The following RACK1 variants were observed in gnomAD, a reference collection of about 807,000 sequenced individuals.
RACK1 encodes small ribosomal subunit protein RACK1.
A neutral mutation model predicts 42.2 loss-of-function variants in RACK1; 3 were observed. The ratio of observed to expected loss-of-function variants is 0.07; its 90% CI spans 0.03 to 0.18. The LOEUF is 0.18. RACK1 is among the 10% of genes least tolerant of loss of function. The pLI is 1.00. For missense variants in RACK1, 146 were observed against 403.2 expected, an observed-to-expected ratio of 0.36 and a Z score of 5.46; for synonymous variants, 181 against 154.8, an observed-to-expected ratio of 1.17 and a Z score of -1.25.
rs769447572 is a variant in RACK1, at chr5:181,243,804, G to A, written c.-4C>T. The A allele has an allele frequency of 1.3e-5, 20 of 1,598,988 alleles. No individual in the cohort carries two copies. The East Asian group carries it at 3.2e-4, about 25-fold the overall frequency. ...GAAGGGTCATCTGCTCAGTCATGGC[G>A]GCGGCGAGAGCGTGTGTCGCTGCAG... On this transcript the variant is annotated 5_prime_UTR_variant, in exon 1 of 8. Coordinates refer to ENST00000512805, the MANE Select transcript of RACK1 (RefSeq NM_006098.5).
In RACK1 at chr5:181,241,651, G is replaced by A. The variant is rs781177385; in HGVS notation, c.282-12C>T. 1.2e-6 allele frequency: 2 copies of A among 1,613,624 alleles called. No homozygotes were observed. Among genetic ancestry groups the A allele is most frequent in the Admixed American group, 1.7e-5 (1 of 59,982 alleles). Reference sequence around the variant, plus strand: ...TCGTGGTGGTGCCCCTGAGAGGGAGGAGTTTGTCATTCTCAGACTTAGCAA... The same window carrying A: ...TCGTGGTGGTGCCCCTGAGAGGGAGAAGTTTGTCATTCTCAGACTTAGCAA... On this transcript the variant is annotated splice_polypyrimidine_tract_variant and intron_variant, in intron 2 of 7. Transcript: ENST00000512805.
chr5:181,237,759 CAAGAG>C lies in RACK1; in HGVS notation c.778-45_778-41del, dbSNP rs1333037619. 3 of 1,083,914 alleles carry C rather than the reference CAAGAG, an allele frequency of 2.8e-6. No homozygotes were observed. The African/African-American group carries it at 4.7e-5, about 17-fold the overall frequency. 67.1% of individuals were successfully genotyped at this position (1,083,914 alleles called of 1,614,324 possible). On this transcript the variant is annotated intron_variant, in intron 6 of 7. Transcript: ENST00000512805. ...AAAAGCAACCTTAAGACTTACCAAT[CAAGAG>C]AGTCTCCTCTTAAAAGCCCCTCAAG... is the stretch of plus-strand genomic sequence containing the variant.
chr5:181,238,639 C>A, intron 5 of RACK1: 1 of 353,898 alleles, frequency 2.8e-6, no homozygotes, highest in African/African-American at 2.1e-5. Context: ...ATCCTCTCTA[C>A]TAACATACAA....
intron 4 of RACK1, 33 bp downstream of exon 4, chr5:181,239,454 C>T (rs377062567): frequency 4.7e-6 from 7 of 1,496,620 alleles, no homozygotes; most frequent in Non-Finnish European, 6.5e-6. Context: ...CACACCCTGA[C>T]TGGTAAAGCC....
At chr5:181,242,063 T>A (rs1759367164) in intron 2 of RACK1, 111 bp downstream of exon 2, 1 of 973,956 alleles carries the variant, frequency 1.0e-6, no homozygotes. Context: ...GTGCTCTGCT[T>A]TCCAGTTCCC....
intron 1 of RACK1, chr5:181,242,691 G>A (rs1759396040): frequency 2.7e-6 from 1 of 364,782 alleles, no homozygotes; most frequent in Admixed American, 3.7e-5. Context: ...CCAAGTAGCT[G>A]GGATTACTTG....
At chr5:181,240,736 G>A (rs1246478485) in intron 3 of RACK1, among the ~76,000 whole-genome samples, 10 of 152,048 alleles carry the variant, frequency 6.6e-5, no homozygotes, top group Non-Finnish European at 1.3e-4. Context: ...GTCTCACTAT[G>A]TTGGCCAGGC....
intron 3 of RACK1, chr5:181,240,352 C>G (rs1476930484): frequency 6.5e-6 from 1 of 153,848 alleles, no homozygotes; most frequent in Non-Finnish European, 1.5e-5. Flanking sequence ...GAGACTGTCT[C>G]AAAACAAAAC....
intron 7 of RACK1, 75 bp from the exon 8 acceptor site, chr5:181,237,117 CT>C: frequency 3.8e-6 from 6 of 1,597,024 alleles, no homozygotes; most frequent in Non-Finnish European, 4.3e-6. Flanking sequence ...GCCCAAGTGG[CT>C]TTTTTTGAGA....
chr5:181,239,243 A>AAAAAG (rs1343872001), intron 4 of RACK1, 66 bp from the exon 5 acceptor site: 2 of 1,088,396 alleles, frequency 1.8e-6, no homozygotes, highest in Admixed American at 3.4e-5. Flanking sequence ...AGGCCCAACA[A>AAAAAG]AAAAGGGCTT....
Position 181,238,235 on chromosome 5 carries a change from C to G in RACK1, c.641G>C (p.Gly214Ala). 6.2e-7 allele frequency: 1 copy of G among 1,614,036 alleles called. No homozygotes were observed. Among genetic ancestry groups the G allele is most frequent in the Non-Finnish European group, 8.5e-7 (1 of 1,179,972 alleles). The change falls in exon 6 of 8, where the codon GGC (glycine) becomes GCC (alanine). Residue 214 changes from glycine to alanine, a missense_variant. Gly to Ala is a moderately conservative substitution (Grantham distance 60). Transcript: ENST00000512805. The part of the protein sequence containing the change: ...GSLCASGGKD[G>A]QAMLWDLNEG... Reference sequence around the variant, plus strand: ...GTTGAGATCCCATAACATGGCCTGGCCATCCTGGACACAGGTAAGGTAAAT... The same window carrying G: ...GTTGAGATCCCATAACATGGCCTGGGCATCCTGGACACAGGTAAGGTAAAT...
chr5:181,238,835 CAAAA>C (rs911013530), intron 5 of RACK1: 6 of 500,390 alleles, frequency 1.2e-5, no homozygotes, highest in African/African-American at 2.0e-5. Context: ...AAAAAAACAA[CAAAA>C]AAAACCCACA....
At chr5:181,240,805 G>A (rs755445751) in intron 3 of RACK1, among the ~76,000 whole-genome samples, 3 of 152,160 alleles carry the variant, frequency 2.0e-5, no homozygotes, top group Non-Finnish European at 2.9e-5. Flanking sequence ...TAGGATTACA[G>A]GCGTGAGCCC....
chr5:181,241,684 C>CA, intron 2 of RACK1, 45 bp from the exon 3 acceptor site: 1 of 1,598,854 alleles, frequency 6.3e-7, no homozygotes, highest in Non-Finnish European at 8.6e-7. Flanking sequence ...CAAACACTCT[C>CA]ATTCAACGGT....
At chr5:181,242,415 CTAAG>C (rs1254314753) in intron 1 of RACK1, 70 bp from the exon 2 acceptor site, 4 of 1,064,674 alleles carry the variant, frequency 3.8e-6, no homozygotes, top group Middle Eastern at 2.0e-4. Context: ...GGATAATTCA[CTAAG>C]TGTCAAGGTC....
chr5:181,242,956 A>G (rs985233826), intron 1 of RACK1: 2 of 333,638 alleles, frequency 6.0e-6, no homozygotes, highest in Non-Finnish European at 5.9e-6. Flanking sequence ...TCTGCAACCA[A>G]ATGCACAGCA....
At chr5:181,237,933 T>C in intron 6 of RACK1, 166 bp downstream of exon 6, 2 of 711,708 alleles carry the variant, frequency 2.8e-6, no homozygotes. Context: ...TCCTGGAATG[T>C]ACAGGACTGC....
Position 181,237,007 on chromosome 5 carries a change from T to C in RACK1, c.924A>G (p.Arg308=), listed in dbSNP as rs548459672. ...LFAGYTDNLV[R]VWQVTIGTR ...GTGTGCCAATGGTCACCTGCCACAC[T>C]CGCACCAGGTTGTCCGTGTAGCCAG... The change falls in exon 8 of 8, where the codon CGA becomes CGG. Residue 308 remains arginine, a synonymous_variant. Transcript: ENST00000512805. 7.4e-6 allele frequency: 12 copies of C among 1,613,990 alleles called. No homozygotes were observed. The highest frequency in any genetic ancestry group is 5.5e-5 in the South Asian group (5 of 91,076).
chr5:181,243,426 G>C, intron 1 of RACK1: 1 of 1,506,542 alleles, frequency 6.6e-7, no homozygotes, highest in African/African-American at 1.4e-5. Flanking sequence ...GAAGGCAAAA[G>C]ATATTTTAAA....
Sources: gnomAD v4.1 joint callset for allele counts (sites outside exome capture counted in the v4.1 genomes callset) on GRCh38, gnomAD v4.1.1 for gene constraint, MANE v1.5 for transcripts, NCBI Gene and HGNC (gene_info 2026-07-23, HGNC 2026-07-21) for gene names.